WDR70: variants seen among roughly 807,000 people sequenced by gnomAD.
The protein encoded by WDR70 is WD repeat-containing protein 70.
A neutral mutation model predicts 88.6 loss-of-function variants in WDR70; 53 were observed. The observed-to-expected ratio is 0.60, with a 90% confidence interval of 0.48 to 0.75. WDR70 has a LOEUF of 0.75. Ranked by LOEUF, WDR70 falls within the 30% of genes least tolerant of loss-of-function variation. The pLI, the probability that WDR70 is intolerant of heterozygous loss-of-function variation, is 0.00. For synonymous variants in WDR70, 280 were observed against 270.0 expected, an observed-to-expected ratio of 1.04 and a Z score of -0.36; for missense variants, 610 against 823.2, an observed-to-expected ratio of 0.74 and a Z score of 3.17.
chr5:37,508,862 G>A (rs1475831722), intron 8 of WDR70, among the ~76,000 whole-genome samples: 2 of 152,076 alleles, frequency 1.3e-5, no homozygotes. Flanking sequence ...GTAATGTTAC[G>A]TCTTCCTCAA....
At chr5:37,547,298 T>C (rs1441318508) in intron 9 of WDR70, among the ~76,000 whole-genome samples, 2 of 152,218 alleles carry the variant, frequency 1.3e-5, no homozygotes, top group African/African-American at 4.8e-5. Flanking sequence ...TTTGCAGTTC[T>C]TGAAGTTCAT....
intron 10 of WDR70, among the ~76,000 whole-genome samples, chr5:37,682,613 T>G (rs1273293464): frequency 1.3e-5 from 2 of 152,176 alleles, no homozygotes; most frequent in Non-Finnish European, 2.9e-5. Context: ...GTCCCAGAGA[T>G]TCTGGTATGT....
At chr5:37,745,093 G>A (rs1748598413) in intron 17 of WDR70, among the ~76,000 whole-genome samples, 1 of 152,130 alleles carries the variant, frequency 6.6e-6, no homozygotes, top group African/African-American at 2.4e-5. Context: ...ACCTCTACAA[G>A]CCAGAAGAGA....
chr5:37,506,176 C>T, intron 8 of WDR70: 2 of 1,039,570 alleles, frequency 1.9e-6, no homozygotes, highest in Admixed American at 3.4e-5. Flanking sequence ...GAAACATCAG[C>T]ACCACTGAAG....
chr5:37,614,951 T>G (rs1364853640), intron 10 of WDR70, among the ~76,000 whole-genome samples: 2 of 151,984 alleles, frequency 1.3e-5, no homozygotes, highest in African/African-American at 4.8e-5. Flanking sequence ...TAATTGATAC[T>G]CTTAGAGAGA....
chr5:37,632,641 A>C (rs1744848752), intron 10 of WDR70, among the ~76,000 whole-genome samples: 2 of 152,248 alleles, frequency 1.3e-5, no homozygotes, highest in Non-Finnish European at 2.9e-5. Flanking sequence ...TATTTTGTAT[A>C]GCTATACAAT....
chr5:37,718,273 TCTAA>T (rs1286404611), intron 13 of WDR70, among the ~76,000 whole-genome samples: 3 of 152,168 alleles, frequency 2.0e-5, no homozygotes, highest in African/African-American at 7.2e-5. Flanking sequence ...GTTGCCTCTC[TCTAA>T]CATTTACACC....
At chr5:37,566,215 C>A (rs556932329) in intron 9 of WDR70, among the ~76,000 whole-genome samples, 2 of 152,152 alleles carry the variant, frequency 1.3e-5, no homozygotes, top group African/African-American at 4.8e-5. Flanking sequence ...TACACTGATT[C>A]TTCCTGTTAA....
chr5:37,621,032 A>G (rs1744492241), intron 10 of WDR70, among the ~76,000 whole-genome samples: 1 of 151,996 alleles, frequency 6.6e-6, no homozygotes, highest in African/African-American at 2.4e-5. Flanking sequence ...GACATCTGGT[A>G]TGCCACTAGA....
intron 9 of WDR70, among the ~76,000 whole-genome samples, chr5:37,591,082 T>C (rs1432763721): frequency 6.6e-6 from 1 of 152,140 alleles, no homozygotes; most frequent in African/African-American, 2.4e-5. Context: ...ACCCCTGTAA[T>C]TGCACTCTGG....
At chr5:37,615,304 G>A (rs1373448327) in intron 10 of WDR70, among the ~76,000 whole-genome samples, 1 of 152,100 alleles carries the variant, frequency 6.6e-6, no homozygotes, top group Non-Finnish European at 1.5e-5. Flanking sequence ...CTGAAAAAAA[G>A]TGATTTTCCA....
At chr5:37,584,279 T>G (rs1411814869) in intron 9 of WDR70, among the ~76,000 whole-genome samples, 1 of 152,232 alleles carries the variant, frequency 6.6e-6, no homozygotes, top group Non-Finnish European at 1.5e-5. Flanking sequence ...TAGTCCGGTA[T>G]TCTGAATTCA....
intron 9 of WDR70, among the ~76,000 whole-genome samples, chr5:37,534,796 C>T (rs1741612980): frequency 6.6e-6 from 1 of 152,164 alleles, no homozygotes; most frequent in Non-Finnish European, 1.5e-5. Flanking sequence ...AGGCTTTCTT[C>T]AGCCATAGTT....
chr5:37,484,931 C>A (rs1199653479), intron 8 of WDR70, among the ~76,000 whole-genome samples: 1 of 152,188 alleles, frequency 6.6e-6, no homozygotes, highest in Non-Finnish European at 1.5e-5. Flanking sequence ...AACATTCAGT[C>A]AGCCAAAGCA....
chr5:37,397,073 T>C (rs4869501), intron 5 of WDR70, among the ~76,000 whole-genome samples: 46,993 of 150,950 alleles, frequency 0.31, 8,903 homozygotes, highest in African/African-American at 0.54. Flanking sequence ...GCCCAGGAGA[T>C]AGAGGTTGCA....
At chr5:37,532,748 A>G (rs541363197) in intron 9 of WDR70, among the ~76,000 whole-genome samples, 1 of 152,104 alleles carries the variant, frequency 6.6e-6, no homozygotes, top group African/African-American at 2.4e-5. Context: ...GACCTTCTAA[A>G]TTCTTTTTCT....
At chr5:37,450,458 G>A (rs1423217615) in intron 7 of WDR70, among the ~76,000 whole-genome samples, 2 of 152,130 alleles carry the variant, frequency 1.3e-5, no homozygotes, top group Non-Finnish European at 2.9e-5. Context: ...ACGTTAACCT[G>A]AACACCAGTT....
intron 3 of WDR70, among the ~76,000 whole-genome samples, chr5:37,389,917 G>A (rs1157326255): frequency 6.6e-6 from 1 of 152,122 alleles, no homozygotes; most frequent in Non-Finnish European, 1.5e-5. Context: ...ATTCCTTGTT[G>A]ATGTTTGCTG....
chr5:37,440,162 T>C (rs1371114060), intron 6 of WDR70, among the ~76,000 whole-genome samples: 2 of 152,198 alleles, frequency 1.3e-5, no homozygotes, highest in African/African-American at 2.4e-5. Flanking sequence ...GATTTTGTGC[T>C]TTTTCTCCTT....
Sources: gnomAD v4.1 joint callset for allele counts (sites outside exome capture counted in the v4.1 genomes callset) on GRCh38, gnomAD v4.1.1 for gene constraint, MANE v1.5 for transcripts, NCBI Gene and HGNC (gene_info 2026-07-23, HGNC 2026-07-21) for gene names.